Variants in SEL1L3 observed in about 807,000 individuals in gnomAD.
SEL1L3 encodes SEL1L family member 3, also known as protein sel-1 homolog 3.
A neutral mutation model predicts 142.8 loss-of-function variants in SEL1L3; 76 were observed. That is an observed-to-expected ratio of 0.53 (90% confidence interval 0.44 to 0.64). SEL1L3 has a LOEUF of 0.64. SEL1L3 is among the 30% of genes least tolerant of loss of function. SEL1L3 has a pLI of 0.00. For synonymous variants in SEL1L3, 504 were observed against 519.6 expected (o/e 0.97, Z 0.41); for missense variants, 1,262 against 1,381.7 (o/e 0.91, Z 1.37).
chr4:25,739,007 C>T, the SEL1L3 span, among the ~76,000 whole-genome samples: 1 of 151,708 alleles, frequency 6.6e-6, no homozygotes, highest in South Asian at 2.1e-4. Flanking sequence ...AGTTCAAGAC[C>T]AGCATGACCA....
At chr4:25,813,498 G>A (rs1156963702) in intron 9 of SEL1L3, among the ~76,000 whole-genome samples, 2 of 152,274 alleles carry the variant, frequency 1.3e-5, no homozygotes, top group Non-Finnish European at 2.9e-5. Context: ...TAGATATGAG[G>A]TATCTAAAGC....
At chr4:25,787,696 G>A (rs1467935816) in intron 13 of SEL1L3, among the ~76,000 whole-genome samples, 33 of 152,138 alleles carry the variant, frequency 2.2e-4, no homozygotes, top group Admixed American at 2.2e-3. Flanking sequence ...TCAATTTGTG[G>A]TCATTGCCAC....
downstream of SEL1L3, among the ~76,000 whole-genome samples, chr4:25,746,857 C>T (rs1364051157): frequency 6.6e-6 from 1 of 151,870 alleles, no homozygotes; most frequent in Non-Finnish European, 1.5e-5. Context: ...TATAGCAATG[C>T]AAGAATGACC....
chr4:25,726,995 TGGTC>T, the SEL1L3 span, among the ~76,000 whole-genome samples: 1 of 10,626 alleles, frequency 9.4e-5, no homozygotes, highest in Non-Finnish European at 2.0e-4. Context: ...CTCATGTGGT[TGGTC>T]GTCCCCCAGC....
chr4:25,838,752 G>GC (rs891078863), intron 2 of SEL1L3, among the ~76,000 whole-genome samples: 27 of 152,164 alleles, frequency 1.8e-4, no homozygotes, highest in African/African-American at 6.3e-4. Context: ...GTTCACCGAG[G>GC]CCCCCACCCC....
chr4:25,734,052 C>A, the SEL1L3 span, among the ~76,000 whole-genome samples: 2 of 152,100 alleles, frequency 1.3e-5, no homozygotes, highest in African/African-American at 2.4e-5. Context: ...CAGAGTCTCG[C>A]TCTGGCTGTC....
Position 25,779,160 on chromosome 4 carries a change from T to C in SEL1L3, c.2501A>G (p.His834Arg). The C allele has an allele frequency of 6.2e-7, 1 of 1,613,712 alleles. No homozygotes were observed. ...EYFHKAAQGG[H>R]MEGTLWCSLY... ...AGAACACCACAAGGTCCCTTCCATGTGTCCACCTTGCGCAGCCTTATGGAA... is the reference window on the plus strand; with the variant it reads ...AGAACACCACAAGGTCCCTTCCATGCGTCCACCTTGCGCAGCCTTATGGAA... The change falls in exon 16 of 24, where the codon CAC (histidine) becomes CGC (arginine). Residue 834 changes from histidine (H) to arginine (R), a missense_variant. By Grantham distance (29) the His-to-Arg change is conservative (BLOSUM62 0). Coordinates refer to ENST00000399878, the MANE Select transcript of SEL1L3 (RefSeq NM_015187.5).
At chr4:25,767,989 TG>T (rs1477555600) in intron 17 of SEL1L3, among the ~76,000 whole-genome samples, 159 bp from the exon 18 acceptor site, 1 of 152,182 alleles carries the variant, frequency 6.6e-6, no homozygotes, top group Non-Finnish European at 1.5e-5. Context: ...TTAAAAATAC[TG>T]CATGCACTGA....
the SEL1L3 span, among the ~76,000 whole-genome samples, chr4:25,725,318 C>CTTTT: frequency 7.2e-6 from 1 of 139,498 alleles, no homozygotes; most frequent in African/African-American, 2.7e-5. Context: ...TGCTGGTTGG[C>CTTTT]TTTTTTTTTT....
chr4:25,830,053 C>A (rs571146334), intron 6 of SEL1L3, 45 bp downstream of exon 6: 2 of 1,276,328 alleles, frequency 1.6e-6, no homozygotes, highest in Non-Finnish European at 2.3e-6. Context: ...GATTCCTTAA[C>A]TCGCATGCAG....
intron 23 of SEL1L3, 121 bp downstream of exon 23, chr4:25,757,413 T>C: frequency 5.4e-6 from 4 of 736,186 alleles, no homozygotes; most frequent in South Asian, 2.0e-5. Context: ...GGAGATAGCA[T>C]GACCAACAGC....
chr4:25,713,983 T>C, the SEL1L3 span, among the ~76,000 whole-genome samples: 2 of 152,208 alleles, frequency 1.3e-5, no homozygotes, highest in Non-Finnish European at 2.9e-5. Context: ...AATTTATCTA[T>C]TTATTTTTCC....
In SEL1L3 at chr4:25,789,148, G is replaced by A. The variant is rs187764266; in HGVS notation, c.2077-784C>T. 5.3e-5 allele frequency among the ~76,000 whole-genome samples: 8 copies of A among 152,232 alleles called. No homozygotes were observed. In the East Asian group the frequency reaches 7.7e-4, roughly 15 times the overall value. ...GTGTGTTAACATTCTAGTTCCACAT[G>A]GGTCCTTTGTTTTCCTTCCTTCTTT... is the stretch of plus-strand genomic sequence containing the variant. On this transcript the variant is annotated intron_variant, in intron 12 of 23. Transcript: ENST00000399878.
At chr4:25,735,895 T>C in the SEL1L3 span, among the ~76,000 whole-genome samples, 1 of 145,792 alleles carries the variant, frequency 6.9e-6, no homozygotes, top group Admixed American at 7.0e-5. Flanking sequence ...AGTGACCCGA[T>C]CTCAGCTCAC....
At chr4:25,749,215 G>A (rs1717431345) in intron 23 of SEL1L3, among the ~76,000 whole-genome samples, 1 of 152,104 alleles carries the variant, frequency 6.6e-6, no homozygotes, top group African/African-American at 2.4e-5. Context: ...GAGAGTCTTG[G>A]ATTAGATGAT....
intron 5 of SEL1L3, among the ~76,000 whole-genome samples, chr4:25,832,264 T>C (rs1188890348): frequency 6.6e-6 from 1 of 152,126 alleles, no homozygotes; most frequent in Non-Finnish European, 1.5e-5. Context: ...ACAAACAAAA[T>C]GCCTCTTCCA....
the SEL1L3 span, among the ~76,000 whole-genome samples, chr4:25,724,187 G>A: frequency 5.3e-5 from 8 of 152,274 alleles, no homozygotes; most frequent in South Asian, 4.1e-4. Flanking sequence ...GAGAGGCCGA[G>A]GAGGGTGGAT....
intron 1 of SEL1L3, among the ~76,000 whole-genome samples, chr4:25,851,382 G>T (rs373904835): frequency 4.4e-4 from 67 of 151,924 alleles, no homozygotes; most frequent in African/African-American, 1.5e-3. Context: ...AATACCATTT[G>T]GATTAAATAC....
chr4:25,861,498 T>C (rs886870092), intron 1 of SEL1L3, among the ~76,000 whole-genome samples: 1 of 152,300 alleles, frequency 6.6e-6, no homozygotes, highest in East Asian at 1.9e-4. Context: ...ACGGGCTGAG[T>C]GGCAAATTTC....
Sources: gnomAD v4.1 joint callset for allele counts (sites outside exome capture counted in the v4.1 genomes callset) on GRCh38, gnomAD v4.1.1 for gene constraint, MANE v1.5 for transcripts, NCBI Gene and HGNC (gene_info 2026-07-23, HGNC 2026-07-21) for gene names.